RBM41: variants seen among roughly 807,000 people sequenced by gnomAD.
The protein encoded by RBM41 is RNA binding motif protein 41.
In RBM41, 14 loss-of-function variants were observed where a neutral mutation model predicts 30.8. The observed-to-expected ratio is 0.45, with a 90% CI of 0.30 to 0.71. RBM41 has a LOEUF of 0.71. RBM41 is among the 30% of genes least tolerant of loss of function. The pLI, the probability that RBM41 is intolerant of heterozygous loss-of-function variation, is 0.08. For missense variants in RBM41, 276 were observed against 326.3 expected (o/e 0.85, Z 1.19); for synonymous variants, 120 against 110.1 (o/e 1.09, Z -0.56).
At chrX:107,088,143 T>C (rs1343997549) in intron 6 of RBM41, among the ~76,000 whole-genome samples, 2 of 111,898 alleles carry the variant, frequency 1.8e-5, no homozygotes, top group Non-Finnish European at 3.8e-5. Flanking sequence ...AAATTGGATG[T>C]TACTATTCCT....
intron 7 of RBM41, among the ~76,000 whole-genome samples, chrX:107,068,905 A>G (rs1935940127): frequency 8.9e-6 from 1 of 112,329 alleles, no homozygotes; most frequent in African/African-American, 3.2e-5. Context: ...GGAACAGCGC[A>G]TAAGCCAAGT....
the RBM41 span, among the ~76,000 whole-genome samples, chrX:107,052,501 C>T: frequency 9.0e-6 from 1 of 110,839 alleles, no homozygotes; most frequent in Non-Finnish European, 1.9e-5. Flanking sequence ...TGACTGACGA[C>T]CGCTCTACCT....
At chrX:107,059,682 T>C (rs1196956051), downstream of RBM41, among the ~76,000 whole-genome samples, 1 of 111,566 alleles carries the variant, frequency 9.0e-6, no homozygotes, top group Non-Finnish European at 1.9e-5. Context: ...TTTGAACACA[T>C]GTAAGTATTT....
rs769314225 is a variant in RBM41, at chrX:107,063,749, A to C, written c.*3778T>G. Among the ~76,000 whole-genome samples, 241 of 110,902 alleles carry C rather than the reference A, an allele frequency of 2.2e-3. 1 individual carries two copies. Among genetic ancestry groups the C allele is most frequent in the African/African-American group, 7.5e-3 (228 of 30,575 alleles). On this transcript the variant is annotated 3_prime_UTR_variant, in exon 8 of 8. Coordinates refer to ENST00000685964, the MANE Select transcript of RBM41 (RefSeq NM_001324242.2). ...CTCCTTTTTTCCTGGTCAGTCTAGC[A>C]GAAGGTGTGTCAGTTTTACTGATCT... is the stretch of plus-strand genomic sequence containing the variant.
intron 5 of RBM41, among the ~76,000 whole-genome samples, chrX:107,109,062 A>T (rs1037338909): frequency 3.6e-5 from 4 of 111,384 alleles, no homozygotes; most frequent in African/African-American, 1.3e-4. Context: ...GGTTAATTGT[A>T]ATCCCCAGAG....
intron 6 of RBM41, among the ~76,000 whole-genome samples, chrX:107,084,712 A>T (rs1489120705): frequency 1.8e-5 from 2 of 111,582 alleles, no homozygotes; most frequent in Non-Finnish European, 3.8e-5. Flanking sequence ...TGATAAGCAA[A>T]TCTGGGATGT....
At chrX:107,103,463 C>T (rs1273803086) in intron 5 of RBM41, among the ~76,000 whole-genome samples, 4 of 110,722 alleles carry the variant, frequency 3.6e-5, no homozygotes, top group South Asian at 7.8e-4. Flanking sequence ...GAAGAAGTAA[C>T]GAAGGATATT....
chrX:107,106,477 C>T (rs367904769), intron 5 of RBM41, among the ~76,000 whole-genome samples: 2 of 110,941 alleles, frequency 1.8e-5, no homozygotes, highest in Admixed American at 1.9e-4. Flanking sequence ...CTCAGGGATC[C>T]AGAACTAGAA....
At chrX:107,056,606 TTGTG>T in the RBM41 span, among the ~76,000 whole-genome samples, 1 of 111,819 alleles carries the variant, frequency 8.9e-6, no homozygotes, top group Admixed American at 9.5e-5. Flanking sequence ...ATTTTGGTAG[TTGTG>T]TGTTTCTAGG....
chrX:107,073,352 G>T (rs897348829), intron 6 of RBM41, among the ~76,000 whole-genome samples: 3 of 111,825 alleles, frequency 2.7e-5, no homozygotes, highest in African/African-American at 9.7e-5. Context: ...TTTCTCTAAA[G>T]AAGACATACA....
chrX:107,053,647 C>T, the RBM41 span, among the ~76,000 whole-genome samples: 1 of 110,845 alleles, frequency 9.0e-6, no homozygotes, highest in Non-Finnish European at 1.9e-5. Context: ...GCTCACCAGG[C>T]GAGTATGGGT....
intron 6 of RBM41, among the ~76,000 whole-genome samples, chrX:107,079,067 G>T (rs1921263650): frequency 9.0e-6 from 1 of 111,270 alleles, no homozygotes; most frequent in Non-Finnish European, 1.9e-5. Flanking sequence ...ATTAGAAAAT[G>T]GTATTAGAAA....
intron 5 of RBM41, among the ~76,000 whole-genome samples, chrX:107,102,581 T>C (rs1391174959): frequency 9.0e-6 from 1 of 111,159 alleles, no homozygotes; most frequent in Non-Finnish European, 1.9e-5. Flanking sequence ...TCTTGACATA[T>C]ATGAGACTGA....
chrX:107,097,978 T>C (rs1287054568), intron 5 of RBM41, among the ~76,000 whole-genome samples: 6 of 111,939 alleles, frequency 5.4e-5, no homozygotes, highest in South Asian at 3.7e-4. Flanking sequence ...CTGGATTTGA[T>C]AGCACAATTC....
intron 7 of RBM41, among the ~76,000 whole-genome samples, chrX:107,068,611 G>A (rs747806398): frequency 2.2e-4 from 24 of 110,978 alleles, no homozygotes; most frequent in Admixed American, 3.8e-4. Context: ...GAGTTTGGCA[G>A]TATTCATGTG....
intron 5 of RBM41, chrX:107,112,913 T>C (rs1682033): frequency 0.024 from 7,475 of 314,580 alleles, 491 homozygotes; most frequent in African/African-American, 0.19. Context: ...CATGAGGGAG[T>C]TTTTTAAGGT....
chrX:107,061,702 C>T (rs181876607), downstream of RBM41, among the ~76,000 whole-genome samples: 17 of 111,009 alleles, frequency 1.5e-4, no homozygotes, highest in African/African-American at 4.9e-4. Context: ...CCTTGGCCTC[C>T]GAAAGTGTCG....
chrX:107,118,715 A>C (rs1186870461), intron 1 of RBM41, 51 bp downstream of exon 1: 1 of 1,206,736 alleles, frequency 8.3e-7, no homozygotes. Flanking sequence ...TTTCAAAAGA[A>C]AAGGTAGAAC....
At chrX:107,058,871 A>G (rs1007213900), downstream of RBM41, among the ~76,000 whole-genome samples, 1 of 111,163 alleles carries the variant, frequency 9.0e-6, no homozygotes, top group African/African-American at 3.3e-5. Flanking sequence ...GTATCCTCAC[A>G]TGGCAGAGAG....
Sources: gnomAD v4.1 joint callset for allele counts (sites outside exome capture counted in the v4.1 genomes callset) on GRCh38, gnomAD v4.1.1 for gene constraint, MANE v1.5 for transcripts, NCBI Gene and HGNC (gene_info 2026-07-23, HGNC 2026-07-21) for gene names.